ARMH4: variants seen among roughly 807,000 people sequenced by gnomAD.
The protein encoded by ARMH4 is armadillo like helical domain containing 4, also known as armadillo-like helical domain-containing protein 4.
ARMH4 carries 49 observed loss-of-function variants against 61.9 expected under a neutral mutation model. The observed-to-expected ratio is 0.79, with a 90% confidence interval of 0.63 to 1.00. ARMH4 has a LOEUF of 1.00. Ranked by LOEUF, ARMH4 falls within the 50% of genes least tolerant of loss-of-function variation. The probability of loss-of-function intolerance (pLI) is 0.00; values close to 1 mark genes in which losing one functional copy is unlikely to be tolerated. For missense variants in ARMH4, 934 were observed against 930.0 expected, an observed-to-expected ratio of 1.00 and a Z score of -0.06; for synonymous variants, 368 against 341.5, an observed-to-expected ratio of 1.08 and a Z score of -0.85.
In ARMH4 at chr14:58,003,874, T is replaced by C. The variant is rs954630696; in HGVS notation, c.*862A>G. On this transcript the variant is annotated 3_prime_UTR_variant, in exon 8 of 8. Transcript: ENST00000267485. ...GCAGCCACATAAGCATAGAACCAAA[T>C]GGCAGACAGAAATGCTCTGAGAGCT... The C allele has an allele frequency of 5.9e-5, 9 of 152,206 alleles. No homozygotes were observed. Among genetic ancestry groups the C allele is most frequent in the African/African-American group, 1.7e-4 (7 of 41,452 alleles). The allele number at this position is 152,206 out of a possible 1,614,324, so 9.4% of individuals were successfully genotyped here.
rs1245492778 is a variant in ARMH4 at position 58,054,832 on chromosome 14, G to A, written c.2089+41892C>T. On this transcript the variant is annotated intron_variant, in intron 5 of 7. Transcript: ENST00000267485. ...GCAGAGATTGCAGTGAGCCAAGATC[G>A]TGCCACTCCAGTGTGTGCAAGAGAA... Among the ~76,000 whole-genome samples, 11 of 149,358 alleles carry A rather than the reference G, an allele frequency of 7.4e-5. No homozygotes were observed. In the South Asian group the frequency reaches 1.7e-3, roughly 23 times the overall value.
intron 5 of ARMH4, among the ~76,000 whole-genome samples, chr14:58,020,254 G>A (rs1454867265): frequency 3.3e-5 from 5 of 151,944 alleles, no homozygotes; most frequent in Non-Finnish European, 7.4e-5. Context: ...GGGCAGGTGG[G>A]CCAAGGAGAC....
In ARMH4 at chr14:58,115,752, A is replaced by G. The variant is rs149884161; in HGVS notation, c.1831+15760T>C. On this transcript the variant is annotated intron_variant, in intron 4 of 7. Transcript: ENST00000267485. Reference sequence around the variant, plus strand: ...ATGCAGCCATAAAAAATCATTTCCTATGCCATAATATGGATGTACCTAGAG... The same window carrying G: ...ATGCAGCCATAAAAAATCATTTCCTGTGCCATAATATGGATGTACCTAGAG... Among the ~76,000 whole-genome samples, 169 of 152,240 alleles carry G rather than the reference A, an allele frequency of 1.1e-3. 1 individual carries two copies. Among genetic ancestry groups the G allele is most frequent in the African/African-American group, 3.5e-3 (147 of 41,572 alleles).
intron 6 of ARMH4, among the ~76,000 whole-genome samples, chr14:58,011,563 AACTTGG>A (rs1469623593): frequency 3.9e-5 from 6 of 152,158 alleles, no homozygotes; most frequent in Admixed American, 3.9e-4. Flanking sequence ...CAAAAGTGAA[AACTTGG>A]AGAGGATTGA....
chr14:58,023,523 G>T (rs188122780), intron 5 of ARMH4, among the ~76,000 whole-genome samples: 48 of 152,168 alleles, frequency 3.2e-4, no homozygotes, highest in African/African-American at 1.2e-3. Flanking sequence ...CTCCTCCAAT[G>T]AAGTCTTGAA....
chr14:58,010,531 T>A (rs953671733), intron 6 of ARMH4, among the ~76,000 whole-genome samples: 2 of 151,912 alleles, frequency 1.3e-5, no homozygotes, highest in African/African-American at 4.8e-5. Flanking sequence ...TTTTTTTAAT[T>A]AAAATATGCT....
intron 2 of ARMH4, 26 bp downstream of exon 2, chr14:58,137,964 T>C: frequency 1.3e-6 from 2 of 1,565,802 alleles, no homozygotes; most frequent in Non-Finnish European, 8.6e-7. Flanking sequence ...TAAACCAAAG[T>C]TTGTTTTTCT....
intron 5 of ARMH4, among the ~76,000 whole-genome samples, chr14:58,082,029 A>T (rs1885245238): frequency 6.6e-6 from 1 of 152,180 alleles, no homozygotes; most frequent in African/African-American, 2.4e-5. Flanking sequence ...TGAAAAGTGA[A>T]AAACTCTCAT....
intron 5 of ARMH4, among the ~76,000 whole-genome samples, chr14:58,070,206 A>G (rs1884840178): frequency 6.6e-6 from 1 of 152,186 alleles, no homozygotes; most frequent in African/African-American, 2.4e-5. Flanking sequence ...TTAACAGCTC[A>G]AAGAGGAGGA....
rs1156835504 is a variant in ARMH4 at position 58,138,125 on chromosome 14, CA to C, written c.1233del (p.Ile411MetfsTer2). 2 of 1,614,214 alleles carry C rather than the reference CA, an allele frequency of 1.2e-6. No individual in the cohort carries two copies. The highest frequency in any genetic ancestry group is 1.3e-5 in the African/African-American group (1 of 75,050). On this transcript the variant is annotated frameshift_variant, in exon 2 of 8. Coordinates refer to ENST00000267485, the MANE Select transcript of ARMH4 (RefSeq NM_001001872.4). LOFTEE classifies it high-confidence loss of function. ...TCTCCCGTACTTTGGAGCAAGTTCA[CA>C]ATGGAAACTTTCATGTCTTCCATCA... ...TSLMEDMKVS[I>X]VNLLQSTGDF...
At chr14:58,087,210 A>T (rs145884072) in intron 5 of ARMH4, among the ~76,000 whole-genome samples, 29 of 152,306 alleles carry the variant, frequency 1.9e-4, no homozygotes, top group African/African-American at 6.0e-4. Context: ...TTCAAAAATA[A>T]CTTCAGCTTC....
chr14:58,010,364 A>G (rs1023840335), intron 6 of ARMH4, among the ~76,000 whole-genome samples: 4 of 152,314 alleles, frequency 2.6e-5, no homozygotes, highest in Admixed American at 6.5e-5. Context: ...GTGTATATAC[A>G]TATAAAATAT....
At chr14:58,148,159 G>C (rs938544208) in intron 1 of ARMH4, among the ~76,000 whole-genome samples, 1 of 152,054 alleles carries the variant, frequency 6.6e-6, no homozygotes, top group African/African-American at 2.4e-5. Context: ...CAATTCTCCT[G>C]CCTCAGCCTC....
chr14:58,086,294 G>C lies in ARMH4; in HGVS notation c.2089+10430C>G, dbSNP rs569616325. Reference sequence around the variant, plus strand: ...TCCAAAAATAAAAAATAAAATGTTAGGTGATGTTCTGGAAAAAACTAGCCT... The same window carrying C: ...TCCAAAAATAAAAAATAAAATGTTACGTGATGTTCTGGAAAAAACTAGCCT... On this transcript the variant is annotated intron_variant, in intron 5 of 7. Coordinates refer to ENST00000267485, the MANE Select transcript of ARMH4 (RefSeq NM_001001872.4). Among the ~76,000 whole-genome samples the C allele has an allele frequency of 3.6e-4, 55 of 152,168 alleles. 1 individual carries two copies. The highest frequency in any genetic ancestry group is 2.4e-4 in the Non-Finnish European group (16 of 68,034).
chr14:58,093,020 A>G (rs1007652448), intron 5 of ARMH4, among the ~76,000 whole-genome samples: 1 of 152,036 alleles, frequency 6.6e-6, no homozygotes, highest in Non-Finnish European at 1.5e-5. Context: ...TTATGGGGGC[A>G]GTTTCCCCAT....
intron 5 of ARMH4, among the ~76,000 whole-genome samples, chr14:58,048,131 C>T (rs1365221200): frequency 3.3e-5 from 5 of 152,066 alleles, no homozygotes; most frequent in Admixed American, 3.3e-4. Flanking sequence ...TACATGTTGC[C>T]CAAAAGGACT....
intron 1 of ARMH4, among the ~76,000 whole-genome samples, chr14:58,149,619 C>T (rs184162876): frequency 2.6e-5 from 4 of 152,178 alleles, no homozygotes; most frequent in South Asian, 2.1e-4. Context: ...TGAAGATATC[C>T]GTGCTTATCA....
intron 4 of ARMH4, among the ~76,000 whole-genome samples, chr14:58,099,869 T>G (rs1408150025): frequency 6.6e-6 from 1 of 152,224 alleles, no homozygotes; most frequent in Non-Finnish European, 1.5e-5. Context: ...GTGTGATTTT[T>G]GCACACGTTG....
intron 2 of ARMH4, among the ~76,000 whole-genome samples, chr14:58,135,638 G>A (rs1887278364): frequency 1.3e-5 from 2 of 151,824 alleles, no homozygotes; most frequent in Admixed American, 1.3e-4. Context: ...TCATGTAGGA[G>A]AAAAAATAAT....
Sources: allele counts gnomAD v4.1 joint callset (sites outside exome capture counted in the v4.1 genomes callset), GRCh38; gene constraint gnomAD v4.1.1; transcripts MANE v1.5; gene names NCBI Gene and HGNC (gene_info 2026-07-23, HGNC 2026-07-21).